FGFR2: variants seen among roughly 807,000 people sequenced by gnomAD.
FGFR2 encodes BEK fibroblast growth factor receptor.
FGFR2 carries 19 observed loss-of-function variants against 95.9 expected under a neutral mutation model. That is an observed-to-expected ratio of 0.20 (90% CI 0.14 to 0.29). FGFR2 has a LOEUF of 0.29. FGFR2 is among the 10% of genes least tolerant of loss of function. The pLI is 1.00. For missense variants in FGFR2, 707 were observed against 1,056.9 expected (o/e 0.67, Z 4.59); for synonymous variants, 392 against 393.3 (o/e 1.00, Z 0.04).
At chr10:121,508,324 T>C (rs1848590626) in intron 9 of FGFR2, among the ~76,000 whole-genome samples, 2 of 152,138 alleles carry the variant, frequency 1.3e-5, no homozygotes, top group South Asian at 4.1e-4. Flanking sequence ...AAGCAGGAGA[T>C]GAAGAATCCA....
At chr10:121,539,386 C>T (rs1853354922) in intron 5 of FGFR2, among the ~76,000 whole-genome samples, 1 of 152,164 alleles carries the variant, frequency 6.6e-6, no homozygotes, top group South Asian at 2.1e-4. Flanking sequence ...GTTGTATATC[C>T]GTCCGTTCAC....
At chr10:121,555,433 T>G (rs1419391187) in intron 4 of FGFR2, among the ~76,000 whole-genome samples, 1 of 151,832 alleles carries the variant, frequency 6.6e-6, no homozygotes, top group Non-Finnish European at 1.5e-5. Flanking sequence ...ACACATGAGT[T>G]TCCCTGAACT....
chr10:121,557,134 A>G (rs1856270378), intron 4 of FGFR2, among the ~76,000 whole-genome samples: 1 of 152,200 alleles, frequency 6.6e-6, no homozygotes, highest in South Asian at 2.1e-4. Context: ...AAGTGAAAGA[A>G]CTGAGCCCAC....
intron 5 of FGFR2, among the ~76,000 whole-genome samples, chr10:121,549,479 T>G (rs1025159627): frequency 1.3e-5 from 2 of 152,190 alleles, no homozygotes; most frequent in African/African-American, 4.8e-5. Context: ...TTTTCCCAGA[T>G]GGGTTCCGGT....
At chr10:121,491,462 T>A (rs1327589434) in intron 13 of FGFR2, among the ~76,000 whole-genome samples, 4 of 152,178 alleles carry the variant, frequency 2.6e-5, no homozygotes, top group Non-Finnish European at 4.4e-5. Flanking sequence ...ATCCCTATGA[T>A]GTAGACAGTA....
rs1844307224 is a variant in FGFR2 at position 121,478,665 on chromosome 10, G to C, written c.*1192C>G. 4.3e-6 allele frequency: 1 copy of C among 233,180 alleles called. No individual in the cohort carries two copies. The highest frequency in any genetic ancestry group is 2.2e-5 in the African/African-American group (1 of 45,320). 14.4% of individuals were successfully genotyped at this position (233,180 alleles called of 1,614,324 possible). A position where few individuals can be genotyped will look rare whatever the true frequency, so the allele number is the denominator to read the frequency against. On this transcript the variant is annotated 3_prime_UTR_variant, in exon 18 of 18. Transcript: ENST00000358487. The stretch of plus-strand genomic sequence containing the variant: ...GGACGTATCCCCAAAACTATCAGCA[G>C]AACAACTCTGTGTTTCAATTTTCTA...
At chr10:121,536,427 C>T (rs1852826023) in intron 6 of FGFR2, among the ~76,000 whole-genome samples, 1 of 152,156 alleles carries the variant, frequency 6.6e-6, no homozygotes, top group African/African-American at 2.4e-5. Context: ...CCGTGTTTAG[C>T]TGGGCGATCT....
chr10:121,526,833 G>A (rs1851432902), intron 6 of FGFR2: 5 of 398,396 alleles, frequency 1.3e-5, no homozygotes, highest in Non-Finnish European at 2.2e-5. Context: ...CCTCTTCGCT[G>A]TCTGGTCACC....
At chr10:121,534,696 C>T (rs1240466904) in intron 6 of FGFR2, among the ~76,000 whole-genome samples, 1 of 152,122 alleles carries the variant, frequency 6.6e-6, no homozygotes. Context: ...TGCCCAGCCC[C>T]AAAATGGCAT....
intron 16 of FGFR2, among the ~76,000 whole-genome samples, chr10:121,484,940 TGGGGCCAGGCG>T (rs554652152): frequency 2.8e-4 from 42 of 152,292 alleles, no homozygotes; most frequent in African/African-American, 8.7e-4. Context: ...CTGGCCACGA[TGGGGCCAGGCG>T]GGGGCCAGGC....
At chr10:121,557,435 A>C (rs897082589) in intron 4 of FGFR2, among the ~76,000 whole-genome samples, 1 of 152,032 alleles carries the variant, frequency 6.6e-6, no homozygotes, top group Non-Finnish European at 1.5e-5. Flanking sequence ...GAGCCTCCCA[A>C]GTAACTGGGA....
intron 9 of FGFR2, among the ~76,000 whole-genome samples, chr10:121,507,271 A>C: frequency 6.6e-6 from 1 of 152,154 alleles, no homozygotes. Flanking sequence ...ACCTTTCTAG[A>C]CCTGGGTTTC....
chr10:121,543,574 G>A (rs1279485076), intron 5 of FGFR2, among the ~76,000 whole-genome samples: 4 of 152,174 alleles, frequency 2.6e-5, no homozygotes, highest in Non-Finnish European at 5.9e-5. Flanking sequence ...CCCACTTTCA[G>A]CAGGTGCCTG....
chr10:121,595,142 G>A (rs1863228433), intron 1 of FGFR2, among the ~76,000 whole-genome samples: 1 of 152,196 alleles, frequency 6.6e-6, no homozygotes. Context: ...CATTTTCTAA[G>A]ACTGGGGGTG....
At chr10:121,524,101 TACACACAC>T (rs61527395) in intron 6 of FGFR2, among the ~76,000 whole-genome samples, 44 of 89,208 alleles carry the variant, frequency 4.9e-4, no homozygotes, top group African/African-American at 1.3e-3. Flanking sequence ...CGGCTATGTA[TACACACAC>T]ACACACACAC....
chr10:121,577,586 T>C (rs1202826477), intron 2 of FGFR2, among the ~76,000 whole-genome samples: 2 of 152,132 alleles, frequency 1.3e-5, no homozygotes, highest in East Asian at 1.9e-4. Context: ...GACAGGAACA[T>C]GTCAAGGAGG....
intron 4 of FGFR2, 40 bp from the exon 5 acceptor site, chr10:121,551,499 A>G (rs934321544): frequency 1.3e-6 from 2 of 1,588,438 alleles, no homozygotes; most frequent in Non-Finnish European, 1.7e-6. Flanking sequence ...ACTGATGGAC[A>G]GCTTCCCCTC....
chr10:121,590,989 G>GCA (rs746045068), intron 2 of FGFR2, among the ~76,000 whole-genome samples: 5,327 of 148,338 alleles, frequency 0.036, 105 homozygotes, highest in Non-Finnish European at 0.042. Flanking sequence ...GCGCACTCGC[G>GCA]CACACACACA....
chr10:121,598,195 G>C lies in FGFR2; in HGVS notation c.-384C>G. 2.5e-6 allele frequency: 1 copy of C among 397,998 alleles called. No homozygotes were observed. The highest frequency in any genetic ancestry group is 4.4e-6 in the Non-Finnish European group (1 of 225,692). The allele number at this position is 397,998 out of a possible 1,614,324, so 24.7% of individuals were successfully genotyped here. A position where few individuals can be genotyped will look rare whatever the true frequency, so the allele number is the denominator to read the frequency against. ...GATTTGGGGAACGAGAGGAAGAAAGGACTCAGGCTTGGCGTTGCCTCCACC... is the reference window on the plus strand; with the variant it reads ...GATTTGGGGAACGAGAGGAAGAAAGCACTCAGGCTTGGCGTTGCCTCCACC... On this transcript the variant is annotated 5_prime_UTR_variant, in exon 1 of 18. Coordinates refer to ENST00000358487, the MANE Select transcript of FGFR2 (RefSeq NM_000141.5).
Sources: allele counts gnomAD v4.1 joint callset (sites outside exome capture counted in the v4.1 genomes callset), GRCh38; gene constraint gnomAD v4.1.1; transcripts MANE v1.5; gene names NCBI Gene and HGNC (gene_info 2026-07-23, HGNC 2026-07-21).